The following PHLDA3 variants were observed in gnomAD, a reference collection of about 807,000 sequenced individuals.
PHLDA3 encodes pleckstrin homology-like domain family A member 3.
Under a neutral mutation model 7.6 loss-of-function variants are expected in PHLDA3, and 12 were observed. The ratio of observed to expected loss-of-function variants is 1.58; its 90% CI spans 1.01 to 2.55. The LOEUF (loss-of-function observed/expected upper bound fraction) is 2.55, where lower values mean the gene tolerates loss of function less well. Ranked by LOEUF, PHLDA3 falls within the 30% of genes most tolerant of loss-of-function variation. The pLI, the probability that PHLDA3 is intolerant of heterozygous loss-of-function variation, is 0.00. For synonymous variants in PHLDA3, 104 were observed against 85.1 expected (o/e 1.22, Z -1.23); for missense variants, 177 against 175.6 (o/e 1.01, Z -0.05).
In PHLDA3 at chr1:201,464,567, G is replaced by A. The variant is rs1162010838; in HGVS notation, c.*1674C>T. On this transcript the variant is annotated 3_prime_UTR_variant, in exon 2 of 2. Coordinates refer to ENST00000367311, the MANE Select transcript of PHLDA3 (RefSeq NM_012396.5). Reference sequence around the variant, plus strand: ...ATCTGAACGGGAACAAAACAGGTTGGAAGCACAAAACAATTAAAGGGACTT... The same window carrying A: ...ATCTGAACGGGAACAAAACAGGTTGAAAGCACAAAACAATTAAAGGGACTT... The A allele has an allele frequency of 6.6e-6, 1 of 152,238 alleles. No individual in the cohort carries two copies. Among genetic ancestry groups the A allele is most frequent in the Admixed American group, 6.5e-5 (1 of 15,278 alleles). 9.4% of individuals were successfully genotyped at this position (152,238 alleles called of 1,614,324 possible).
At position 201,464,646 on chromosome 1, in the gene PHLDA3, T is replaced by A. The variant is rs757319086; in HGVS notation, c.*1595A>T. On this transcript the variant is annotated 3_prime_UTR_variant, in exon 2 of 2. Coordinates refer to ENST00000367311, the MANE Select transcript of PHLDA3 (RefSeq NM_012396.5). Reference sequence around the variant, plus strand: ...CCTTGCTCCCTCCAGAGAGACCCTGTAGTAGGCCACTGCTTTGCAACAGGG... The same window carrying A: ...CCTTGCTCCCTCCAGAGAGACCCTGAAGTAGGCCACTGCTTTGCAACAGGG... 6.6e-6 allele frequency: 1 copy of A among 152,186 alleles called. No homozygotes were observed. Among genetic ancestry groups the A allele is most frequent in the East Asian group, 1.9e-4 (1 of 5,196 alleles). The allele number at this position is 152,186 out of a possible 1,614,324, so 9.4% of individuals were successfully genotyped here. A position where few individuals can be genotyped will look rare whatever the true frequency, so the allele number is the denominator to read the frequency against.
At position 201,468,951 on chromosome 1, in the gene PHLDA3, G is replaced by A. The variant is rs936996130; in HGVS notation, c.-165C>T. 5 of 683,732 alleles carry A rather than the reference G, an allele frequency of 7.3e-6. No homozygotes were observed. The African/African-American group carries it at 1.1e-4, about 15-fold the overall frequency. 42.4% of individuals were successfully genotyped at this position (683,732 alleles called of 1,614,324 possible). A position where few individuals can be genotyped will look rare whatever the true frequency, so the allele number is the denominator to read the frequency against. ...ACACCGCGGCCCTCAGCACCCGGCT[G>A]CCGGTGAGGTGGTGTCGGTGCCCCC... is the stretch of plus-strand genomic sequence containing the variant. On this transcript the variant is annotated 5_prime_UTR_variant, in exon 1 of 2. Coordinates refer to ENST00000367311, the MANE Select transcript of PHLDA3 (RefSeq NM_012396.5).
In PHLDA3 at chr1:201,468,646, G is replaced by T. The variant is rs1663741330; in HGVS notation, c.141C>A (p.Gly47=). The change falls in exon 1 of 2, where the codon GGC becomes GGA. Residue 47 remains glycine (G), a synonymous_variant. Transcript: ENST00000367311. ...CGAAGCTGAGCTCCTTGGGCCGGCC[G>T]CCCGTGCCCTTGGCCTCGAAGAGCT... ...GLQLFEAKGT[G]GRPKELSFAR... 6.2e-7 allele frequency: 1 copy of T among 1,612,942 alleles called. No individual in the cohort carries two copies.
chr1:201,466,910 A>T (rs1314373669), intron 1 of PHLDA3, among the ~76,000 whole-genome samples: 4 of 151,364 alleles, frequency 2.6e-5, no homozygotes, highest in Non-Finnish European at 5.9e-5. Flanking sequence ...GCAGGTAGAC[A>T]GCTAGGCCCC....
intron 1 of PHLDA3, among the ~76,000 whole-genome samples, chr1:201,466,996 C>T (rs1238245637): frequency 6.6e-6 from 1 of 152,116 alleles, no homozygotes; most frequent in African/African-American, 2.4e-5. Context: ...TAACAGTGAG[C>T]CCTAGGGCTC....
Position 201,468,733 on chromosome 1 carries a change from G to A in PHLDA3, c.54C>T (p.Arg18=). The change falls in exon 1 of 2, where the codon CGC becomes CGT. Residue 18 remains arginine, a synonymous_variant. Transcript: ENST00000367311. ...TVLKEGVLEK[R]SGGLLQLWKR... ...TCCACAGCTGCAGCAGCCCGCCGCT[G>A]CGCTTCTCCAGCACGCCCTCCTTGA... 6.2e-7 allele frequency: 1 copy of A among 1,600,218 alleles called. No individual in the cohort carries two copies. Among genetic ancestry groups the A allele is most frequent in the Non-Finnish European group, 8.5e-7 (1 of 1,177,538 alleles).
rs963550400 is a variant in PHLDA3, at chr1:201,468,670, C to T, written c.117G>A (p.Gln39=). The part of the protein sequence containing the change: ...KRCVLTERGL[Q]LFEAKGTGGR... The stretch of plus-strand genomic sequence containing the variant: ...CGCCCGTGCCCTTGGCCTCGAAGAG[C>T]TGCAGCCCGCGTTCGGTGAGGACGC... Residue 39 remains glutamine (Q), a synonymous_variant, in exon 1 of 2, where the codon CAG becomes CAA. Coordinates refer to ENST00000367311, the MANE Select transcript of PHLDA3 (RefSeq NM_012396.5). The T allele has an allele frequency of 6.2e-7, 1 of 1,612,452 alleles. No individual in the cohort carries two copies. The highest frequency in any genetic ancestry group is 8.5e-7 in the Non-Finnish European group (1 of 1,179,804).
In PHLDA3 at chr1:201,468,396, C is replaced by T. The variant is rs762388991; in HGVS notation, c.*7G>A. 2 of 1,613,854 alleles carry T rather than the reference C, an allele frequency of 1.2e-6. No individual in the cohort carries two copies. Among genetic ancestry groups the T allele is most frequent in the Non-Finnish European group, 1.7e-6 (2 of 1,179,938 alleles). On this transcript the variant is annotated 3_prime_UTR_variant, in exon 1 of 2. Transcript: ENST00000367311. Reference sequence around the variant, plus strand: ...TAGCATGAAGGAAAGATGGTGCGCCCGGTGGTTTAGGACACGAGGGTCCCG... The same window carrying T: ...TAGCATGAAGGAAAGATGGTGCGCCTGGTGGTTTAGGACACGAGGGTCCCG...
At position 201,468,687 on chromosome 1, in the gene PHLDA3, T is replaced by A; in HGVS notation, c.100A>T (p.Thr34Ser). Residue 34 changes from threonine (T) to serine (S), a missense_variant, in exon 1 of 2, where the codon ACC (threonine) becomes TCC (serine). Physicochemically the swap from Thr to Ser is moderately conservative, Grantham distance 58. Coordinates refer to ENST00000367311, the MANE Select transcript of PHLDA3 (RefSeq NM_012396.5). ...TCGAAGAGCTGCAGCCCGCGTTCGG[T>A]GAGGACGCAGCGCTTCCGCTTCCAC... Reference protein sequence around the residue: ...QLWKRKRCVLTERGLQLFEAK... With the variant: ...QLWKRKRCVLSERGLQLFEAK... 1 of 1,611,350 alleles carries A rather than the reference T, an allele frequency of 6.2e-7. No homozygotes were observed. The highest frequency in any genetic ancestry group is 8.5e-7 in the Non-Finnish European group (1 of 1,179,666).
rs1663735131 is a variant in PHLDA3, at chr1:201,468,505, C to G, written c.282G>C (p.Trp94Cys). 6.2e-7 allele frequency: 1 copy of G among 1,614,068 alleles called. No individual in the cohort carries two copies. Among genetic ancestry groups the G allele is most frequent in the African/African-American group, 1.3e-5 (1 of 74,940 alleles). Reference protein sequence around the residue: ...DFRCPLEDPGWNAQITLGLVK... With the variant: ...DFRCPLEDPGCNAQITLGLVK... ...CCAGGCCTAGGGTGATCTGGGCGTT[C>G]CAGCCGGGATCTTCCAGGGGGCAGC... Residue 94 changes from tryptophan (W) to cysteine (C), a missense_variant, in exon 1 of 2, where the codon TGG becomes TGC. Coordinates refer to ENST00000367311, the MANE Select transcript of PHLDA3 (RefSeq NM_012396.5).
Position 201,468,659 on chromosome 1 carries a change from G to A in PHLDA3, c.128C>T (p.Ala43Val), listed in dbSNP as rs1452668654. 2 of 1,612,708 alleles carry A rather than the reference G, an allele frequency of 1.2e-6. No individual in the cohort carries two copies. Among genetic ancestry groups the A allele is most frequent in the South Asian group, 2.2e-5 (2 of 91,060 alleles). ...CTTGGGCCGGCCGCCCGTGCCCTTG[G>A]CCTCGAAGAGCTGCAGCCCGCGTTC... ...LTERGLQLFE[A>V]KGTGGRPKEL... The change falls in exon 1 of 2, where the codon GCC (alanine) becomes GTC (valine). Residue 43 changes from alanine to valine, a missense_variant. Coordinates refer to ENST00000367311, the MANE Select transcript of PHLDA3 (RefSeq NM_012396.5).
At chr1:201,467,127 G>A (rs1295812076) in intron 1 of PHLDA3, among the ~76,000 whole-genome samples, 3 of 152,072 alleles carry the variant, frequency 2.0e-5, no homozygotes, top group African/African-American at 7.2e-5. Context: ...CATGGGCAAC[G>A]TGGGGAAACC....
In PHLDA3 at chr1:201,464,811, T is replaced by TTTTG. The variant is rs571584368; in HGVS notation, c.*1429_*1430insCAAA. ...TGTCTGTACCTGTTTTCCCGTTTTTTTTGTTGTTGTTGTTTTGAGACTGCG... is the reference window on the plus strand; with the variant it reads ...TGTCTGTACCTGTTTTCCCGTTTTTTTTTGTTGTTGTTGTTGTTTTGAGACTGCG... On this transcript the variant is annotated 3_prime_UTR_variant, in exon 2 of 2. Coordinates refer to ENST00000367311, the MANE Select transcript of PHLDA3 (RefSeq NM_012396.5). The TTTTG allele has an allele frequency of 2.0e-5, 1 of 50,284 alleles. No homozygotes were observed. Among genetic ancestry groups the TTTTG allele is most frequent in the Non-Finnish European group, 5.9e-5 (1 of 17,084 alleles). The allele number at this position is 50,284 out of a possible 1,614,324, so 3.1% of individuals were successfully genotyped here. A position where few individuals can be genotyped will look rare whatever the true frequency, so the allele number is the denominator to read the frequency against.
Position 201,468,443 on chromosome 1 carries a change from C to T in PHLDA3, c.344G>A (p.Arg115Gln), listed in dbSNP as rs1663733392. ...FKNQQAIQTV[R>Q]ARQSLGTGTL... is the part of the protein sequence containing the mutation. ...CCCGGTCCCGAGGCTCTGCCGGGCC[C>T]GCACTGTCTGGATGGCCTGCTGGTT... The change falls in exon 1 of 2, where the codon CGG becomes CAG. Residue 115 changes from arginine (R) to glutamine (Q), a missense_variant. By Grantham distance (43) the Arg-to-Gln change is conservative. Coordinates refer to ENST00000367311, the MANE Select transcript of PHLDA3 (RefSeq NM_012396.5). 6.2e-7 allele frequency: 1 copy of T among 1,614,014 alleles called. No homozygotes were observed. The highest frequency in any genetic ancestry group is 8.5e-7 in the Non-Finnish European group (1 of 1,180,018).
Position 201,468,868 on chromosome 1 carries a change from C to A in PHLDA3, c.-82G>T. 1 of 1,368,206 alleles carries A rather than the reference C, an allele frequency of 7.3e-7. No homozygotes were observed. Among genetic ancestry groups the A allele is most frequent in the Non-Finnish European group, 9.4e-7 (1 of 1,065,426 alleles). 84.8% of individuals were successfully genotyped at this position (1,368,206 alleles called of 1,614,324 possible). A position where few individuals can be genotyped will look rare whatever the true frequency, so the allele number is the denominator to read the frequency against. ...GGCCCCGCAGCGCAGGATTCTGGCGCCCCGGGCTGGCAGGCCGTGCGCGCT... is the reference window on the plus strand; with the variant it reads ...GGCCCCGCAGCGCAGGATTCTGGCGACCCGGGCTGGCAGGCCGTGCGCGCT... On this transcript the variant is annotated 5_prime_UTR_variant, in exon 1 of 2. Transcript: ENST00000367311.
intron 1 of PHLDA3, among the ~76,000 whole-genome samples, chr1:201,467,237 G>A (rs1449641191): frequency 6.6e-6 from 1 of 152,134 alleles, no homozygotes; most frequent in Non-Finnish European, 1.5e-5. Flanking sequence ...AGCCCAAGAG[G>A]TTGAAGCTGT....
At chr1:201,467,523 T>A in intron 1 of PHLDA3, 1 of 152,030 alleles carries the variant, frequency 6.6e-6, no homozygotes, top group Non-Finnish European at 1.5e-5. Context: ...AAGCAGGAGA[T>A]TTGCTTGAGC....
Position 201,468,452 on chromosome 1 carries a change from T to C in PHLDA3, c.335A>G (p.Gln112Arg). The C allele has an allele frequency of 6.2e-7, 1 of 1,614,124 alleles. No homozygotes were observed. ...GAGGCTCTGCCGGGCCCGCACTGTC[T>C]GGATGGCCTGCTGGTTCTTGAACTT... ...LVKFKNQQAI[Q>R]TVRARQSLGT... Residue 112 changes from glutamine (Q) to arginine (R), a missense_variant, in exon 1 of 2, where the codon CAG becomes CGG. Gln to Arg is a conservative substitution (Grantham distance 43). Transcript: ENST00000367311.
chr1:201,467,317 A>T (rs775599374), intron 1 of PHLDA3, among the ~76,000 whole-genome samples: 1 of 151,720 alleles, frequency 6.6e-6, no homozygotes, highest in Non-Finnish European at 1.5e-5. Flanking sequence ...CTGTCTCAAA[A>T]ATATATATAT....
Sources: allele counts gnomAD v4.1 joint callset (sites outside exome capture counted in the v4.1 genomes callset), GRCh38; gene constraint gnomAD v4.1.1; transcripts MANE v1.5; gene names NCBI Gene and HGNC (gene_info 2026-07-23, HGNC 2026-07-21).